Variants in SBSPON observed in about 807,000 individuals in gnomAD.
SBSPON encodes somatomedin B and thrombospondin type 1 domain containing, also known as somatomedin-B and thrombospondin type-1 domain-containing protein.
In SBSPON, 30 loss-of-function variants were observed where a neutral mutation model predicts 35.8. The ratio of observed to expected loss-of-function variants is 0.84; its 90% CI spans 0.63 to 1.14. The LOEUF (loss-of-function observed/expected upper bound fraction) is 1.14, where lower values mean the gene tolerates loss of function less well. Among genes scored for constraint, SBSPON ranks in the 50% most tolerant of loss-of-function variants. The pLI is 0.00. For synonymous variants in SBSPON, 136 were observed against 135.9 expected, an observed-to-expected ratio of 1.00 and a Z score of 0.00; for missense variants, 364 against 357.7, an observed-to-expected ratio of 1.02 and a Z score of -0.14.
At chr8:73,069,097 C>T (rs1371021896) in intron 4 of SBSPON, among the ~76,000 whole-genome samples, 1 of 152,054 alleles carries the variant, frequency 6.6e-6, no homozygotes, top group Non-Finnish European at 1.5e-5. Flanking sequence ...TTTCTGGATC[C>T]TGACCTAAGA....
chr8:73,073,832 A>C (rs1810542635), intron 2 of SBSPON, among the ~76,000 whole-genome samples: 1 of 152,070 alleles, frequency 6.6e-6, no homozygotes, highest in Admixed American at 6.5e-5. Flanking sequence ...AAAACAAAAA[A>C]AAACAGACAA....
chr8:73,068,567 A>G (rs1447528716), intron 4 of SBSPON, among the ~76,000 whole-genome samples: 2 of 152,244 alleles, frequency 1.3e-5, no homozygotes, highest in Non-Finnish European at 2.9e-5. Context: ...TATCAAATTT[A>G]AACACTAAAT....
At chr8:73,072,577 G>A (rs984074584) in intron 2 of SBSPON, among the ~76,000 whole-genome samples, 2 of 152,204 alleles carry the variant, frequency 1.3e-5, no homozygotes, top group African/African-American at 2.4e-5. Context: ...GCTGAGGCAG[G>A]AGAATCACTT....
chr8:73,074,027 T>G (rs1810546223), intron 2 of SBSPON, among the ~76,000 whole-genome samples: 1 of 152,188 alleles, frequency 6.6e-6, no homozygotes. Context: ...GAGACCTAAT[T>G]ATCAGAAACA....
At chr8:73,067,495 A>G (rs1810411352) in intron 4 of SBSPON, 37 bp from the exon 5 acceptor site, 1 of 1,249,334 alleles carries the variant, frequency 8.0e-7, no homozygotes, top group Non-Finnish European at 1.2e-6. Flanking sequence ...TTACACTAAA[A>G]GCATACCGAA....
rs1355041882 is a variant in SBSPON, at chr8:73,067,019, T to C, written c.*322A>G. 4.9e-6 allele frequency: 1 copy of C among 204,016 alleles called. No individual in the cohort carries two copies. Among genetic ancestry groups the C allele is most frequent in the South Asian group, 1.2e-4 (1 of 8,364 alleles). 12.6% of individuals were successfully genotyped at this position (204,016 alleles called of 1,614,324 possible). A position where few individuals can be genotyped will look rare whatever the true frequency, so the allele number is the denominator to read the frequency against. ...ACACTTCCGTCACCAATAATCGGAC[T>C]GAGTTACAGTAATTTTACTTTAGCA... On this transcript the variant is annotated 3_prime_UTR_variant, in exon 5 of 5. Transcript: ENST00000297354.
chr8:73,084,019 T>C (rs1369468660), intron 1 of SBSPON, among the ~76,000 whole-genome samples: 1 of 152,224 alleles, frequency 6.6e-6, no homozygotes. Flanking sequence ...TCAAGCACCA[T>C]ACAGGAGTGG....
At chr8:73,080,964 G>A in intron 2 of SBSPON, 55 bp downstream of exon 2, 13 of 1,449,092 alleles carry the variant, frequency 9.0e-6, no homozygotes, top group Middle Eastern at 1.8e-4. Flanking sequence ...GTAGGATGAA[G>A]TGGTCAAAAA....
At chr8:73,068,094 A>T (rs749745437) in intron 4 of SBSPON, among the ~76,000 whole-genome samples, 2 of 152,196 alleles carry the variant, frequency 1.3e-5, no homozygotes, top group Admixed American at 6.5e-5. Flanking sequence ...CTCTGATTTC[A>T]TAATGAAAAA....
chr8:73,066,667 T>A lies in SBSPON; in HGVS notation c.*674A>T, dbSNP rs1810391908. 6.6e-6 allele frequency: 1 copy of A among 152,190 alleles called. No homozygotes were observed. The highest frequency in any genetic ancestry group is 2.1e-4 in the South Asian group (1 of 4,832). The allele number at this position is 152,190 out of a possible 1,614,324, so 9.4% of individuals were successfully genotyped here. A position where few individuals can be genotyped will look rare whatever the true frequency, so the allele number is the denominator to read the frequency against. On this transcript the variant is annotated 3_prime_UTR_variant, in exon 5 of 5. Transcript: ENST00000297354. ...TGTCAACATTTCTTTTCATGAAAATTATAACATTTAAAAGAACTCCCATTG... is the reference window on the plus strand; with the variant it reads ...TGTCAACATTTCTTTTCATGAAAATAATAACATTTAAAAGAACTCCCATTG...
chr8:73,081,023 G>C lies in SBSPON; in HGVS notation c.405C>G (p.Thr135=). 1.9e-6 allele frequency: 3 copies of C among 1,594,426 alleles called. No individual in the cohort carries two copies. The highest frequency in any genetic ancestry group is 2.6e-6 in the Non-Finnish European group (3 of 1,171,012). The change falls in exon 2 of 5, where the codon ACC becomes ACG. Residue 135 remains threonine, a synonymous_variant. Transcript: ENST00000297354. The part of the protein sequence containing the change: ...STPQGQDCGH[T]YVPAFITTSA... ...CAACCATGAAAACATCAGTACCATAGGTGTGCCCGCAGTCCTGGCCCTGCG... is the reference window on the plus strand; with the variant it reads ...CAACCATGAAAACATCAGTACCATACGTGTGCCCGCAGTCCTGGCCCTGCG...
chr8:73,087,972 T>A (rs1810866251), intron 1 of SBSPON, among the ~76,000 whole-genome samples: 1 of 152,162 alleles, frequency 6.6e-6, no homozygotes, highest in South Asian at 2.1e-4. Context: ...CTACTCTACT[T>A]TTCCCCATCC....
rs570439118 is a variant in SBSPON, at chr8:73,081,644, A to C, written c.215-431T>G. Among the ~76,000 whole-genome samples the C allele has an allele frequency of 2.9e-3, 435 of 151,026 alleles. 3 individuals carry two copies. Among genetic ancestry groups the C allele is most frequent in the African/African-American group, 0.01 (408 of 40,696 alleles). On this transcript the variant is annotated intron_variant, in intron 1 of 4. Coordinates refer to ENST00000297354, the MANE Select transcript of SBSPON (RefSeq NM_153225.4). ...TCATCATAGACAACATAAACAACAAAAAAAAAAGTATAAAAAAGAAAATGT... is the reference window on the plus strand; with the variant it reads ...TCATCATAGACAACATAAACAACAACAAAAAAAGTATAAAAAAGAAAATGT...
rs905360963 is a variant in SBSPON, at chr8:73,066,140, A to G, written c.*1201T>C. The G allele has an allele frequency of 6.6e-6, 1 of 152,190 alleles. No individual in the cohort carries two copies. Among genetic ancestry groups the G allele is most frequent in the Non-Finnish European group, 1.5e-5 (1 of 68,032 alleles). The allele number at this position is 152,190 out of a possible 1,614,324, so 9.4% of individuals were successfully genotyped here. ...ATTCAATTGAAACCAAAGAAATCTC[A>G]TGTAGTTTACATCTCAAGACTCAAT... On this transcript the variant is annotated 3_prime_UTR_variant, in exon 5 of 5. Coordinates refer to ENST00000297354, the MANE Select transcript of SBSPON (RefSeq NM_153225.4).
chr8:73,069,417 A>G (rs1810449996), intron 4 of SBSPON, among the ~76,000 whole-genome samples: 1 of 152,060 alleles, frequency 6.6e-6, no homozygotes, highest in Admixed American at 6.5e-5. Flanking sequence ...GACTACAGGC[A>G]TGCGCCACCA....
At chr8:73,086,315 C>G (rs1810824936) in intron 1 of SBSPON, among the ~76,000 whole-genome samples, 1 of 152,066 alleles carries the variant, frequency 6.6e-6, no homozygotes, top group African/African-American at 2.4e-5. Flanking sequence ...AGCGCACCTC[C>G]CTGCCTGGCT....
chr8:73,067,824 A>G (rs1456210955), intron 4 of SBSPON, among the ~76,000 whole-genome samples: 1 of 149,266 alleles, frequency 6.7e-6, no homozygotes, highest in Non-Finnish European at 1.5e-5. Context: ...GATTAGAAAC[A>G]TGACCCACTG....
chr8:73,090,223 A>T (rs1372686923), intron 1 of SBSPON, among the ~76,000 whole-genome samples: 1 of 152,222 alleles, frequency 6.6e-6, no homozygotes, highest in African/African-American at 2.4e-5. Flanking sequence ...CACGAGGGTG[A>T]CTTCTCCAAA....
intron 2 of SBSPON, among the ~76,000 whole-genome samples, chr8:73,072,194 GATAAT>G (rs2129993529): frequency 6.6e-6 from 1 of 151,748 alleles, no homozygotes; most frequent in East Asian, 1.9e-4. Context: ...GAAAAAGTGA[GATAAT>G]AGAGAGCATG....
Sources: gnomAD v4.1 joint callset for allele counts (sites outside exome capture counted in the v4.1 genomes callset) on GRCh38, gnomAD v4.1.1 for gene constraint, MANE v1.5 for transcripts, NCBI Gene and HGNC (gene_info 2026-07-23, HGNC 2026-07-21) for gene names.